Variants in EXT2 observed in about 807,000 individuals in gnomAD.
EXT2 encodes exostosin glycosyltransferase 2.
Under a neutral mutation model 81.6 loss-of-function variants are expected in EXT2, and 53 were observed. The ratio of observed to expected loss-of-function variants is 0.65; its 90% confidence interval spans 0.52 to 0.82. The LOEUF (loss-of-function observed/expected upper bound fraction) is 0.82, where lower values mean the gene tolerates loss of function less well. EXT2 is among the 40% of genes least tolerant of loss of function. The pLI, the probability that EXT2 is intolerant of heterozygous loss-of-function variation, is 0.00. For synonymous variants in EXT2, 320 were observed against 340.0 expected, an observed-to-expected ratio of 0.94 and a Z score of 0.65; for missense variants, 774 against 910.2, an observed-to-expected ratio of 0.85 and a Z score of 1.93.
At chr11:44,155,238 A>G (rs1423224284) in intron 7 of EXT2, among the ~76,000 whole-genome samples, 1 of 152,110 alleles carries the variant, frequency 6.6e-6, no homozygotes, top group Admixed American at 6.6e-5. Flanking sequence ...TTGAGATCTT[A>G]GTCTAAGTCT....
intron 8 of EXT2, among the ~76,000 whole-genome samples, chr11:44,185,825 C>T (rs1305037189): frequency 6.6e-6 from 1 of 152,226 alleles, no homozygotes; most frequent in Non-Finnish European, 1.5e-5. Context: ...GATGACCTCT[C>T]TAATATGGTC....
At chr11:44,167,428 C>A (rs1435709533) in intron 7 of EXT2, among the ~76,000 whole-genome samples, 2 of 152,134 alleles carry the variant, frequency 1.3e-5, no homozygotes, top group Non-Finnish European at 2.9e-5. Context: ...CTGGCAAATA[C>A]AAATAACCCA....
chr11:44,196,830 T>C (rs955082024), intron 8 of EXT2, among the ~76,000 whole-genome samples: 3 of 152,214 alleles, frequency 2.0e-5, no homozygotes, highest in African/African-American at 7.2e-5. Context: ...TTCCTTTTTT[T>C]CTTTATTCAT....
In EXT2 at chr11:44,108,006, C is replaced by T; in HGVS notation, c.294C>T (p.Phe98=). The change falls in exon 2 of 14, where the codon TTC becomes TTT. Residue 98 remains phenylalanine (F), a synonymous_variant. Coordinates refer to ENST00000533608, the MANE Select transcript of EXT2 (RefSeq NM_207122.2). ...HTCFDVYRCG[F]NPKNKIKVYI... The stretch of plus-strand genomic sequence containing the variant: ...GTTTTGATGTCTATCGCTGTGGCTT[C>T]AACCCAAAGAACAAAATCAAGGTGT... 1 of 1,614,146 alleles carries T rather than the reference C, an allele frequency of 6.2e-7. No individual in the cohort carries two copies. The highest frequency in any genetic ancestry group is 1.1e-5 in the South Asian group (1 of 91,082).
chr11:44,166,534 A>C, intron 7 of EXT2, among the ~76,000 whole-genome samples: 1 of 152,230 alleles, frequency 6.6e-6, no homozygotes, highest in East Asian at 1.9e-4. Context: ...CTCATTGTGC[A>C]TGCTTTGCTT....
intron 7 of EXT2, among the ~76,000 whole-genome samples, chr11:44,155,138 C>T (rs1312251717): frequency 6.6e-6 from 1 of 151,940 alleles, no homozygotes; most frequent in Non-Finnish European, 1.5e-5. Context: ...ATTTGATTGC[C>T]TGTGCTTTGG....
At chr11:44,124,698 C>T (rs1417231134) in intron 4 of EXT2, 91 bp from the exon 5 acceptor site, 7 of 1,040,600 alleles carry the variant, frequency 6.7e-6, no homozygotes, top group Non-Finnish European at 1.0e-5. Flanking sequence ...TAAGGAAACA[C>T]TTACTGTCAT....
At chr11:44,140,901 C>T (rs1954636576) in intron 7 of EXT2, among the ~76,000 whole-genome samples, 1 of 152,180 alleles carries the variant, frequency 6.6e-6, no homozygotes, top group African/African-American at 2.4e-5. Flanking sequence ...TTAAAATAGT[C>T]ATTTAACTTG....
At chr11:44,228,983 C>T (rs1208042557) in intron 10 of EXT2, among the ~76,000 whole-genome samples, 1 of 152,126 alleles carries the variant, frequency 6.6e-6, no homozygotes, top group African/African-American at 2.4e-5. Flanking sequence ...AAAGCAACTT[C>T]CATCTTCAGC....
In EXT2 at chr11:44,144,233, A is replaced by G. The variant is rs530833439; in HGVS notation, c.1173+14095A>G. On this transcript the variant is annotated intron_variant, in intron 7 of 13. Coordinates refer to ENST00000533608, the MANE Select transcript of EXT2 (RefSeq NM_207122.2). ...TGACACATCTTGATTAAAGGTTTCC[A>G]ATTCACCTTTCAGCTCTTCATGGAA... 7.5e-6 allele frequency: 12 copies of G among 1,593,452 alleles called. No homozygotes were observed. In the African/African-American group the frequency reaches 1.3e-4, roughly 18 times the overall value.
chr11:44,190,858 C>T (rs1275912391), intron 8 of EXT2, among the ~76,000 whole-genome samples: 1 of 152,190 alleles, frequency 6.6e-6, no homozygotes, highest in East Asian at 1.9e-4. Flanking sequence ...CACACAGCTA[C>T]CATGACCTTT....
chr11:44,157,786 G>A (rs1210194413), intron 7 of EXT2, among the ~76,000 whole-genome samples: 1 of 152,180 alleles, frequency 6.6e-6, no homozygotes, highest in Non-Finnish European at 1.5e-5. Flanking sequence ...CCCTGAGCAG[G>A]AGGAGTCTCT....
At chr11:44,133,364 T>C (rs1954521546) in intron 7 of EXT2, among the ~76,000 whole-genome samples, 1 of 152,188 alleles carries the variant, frequency 6.6e-6, no homozygotes, top group Non-Finnish European at 1.5e-5. Flanking sequence ...GTGGGTCTTT[T>C]TGCAAGACAG....
chr11:44,207,151 C>G (rs1442387235), intron 10 of EXT2, among the ~76,000 whole-genome samples, 192 bp downstream of exon 10: 1 of 152,172 alleles, frequency 6.6e-6, no homozygotes, highest in Non-Finnish European at 1.5e-5. Context: ...AAACCCTATT[C>G]CAAAATGGCA....
At chr11:44,097,776 ATAAAT>A (rs1565192389) in intron 1 of EXT2, among the ~76,000 whole-genome samples, 1,761 of 74,544 alleles carry the variant, frequency 0.024, 69 homozygotes, top group African/African-American at 0.054. Flanking sequence ...AAATAAATAA[ATAAAT>A]AAATAAATAA....
intron 7 of EXT2, among the ~76,000 whole-genome samples, chr11:44,139,750 G>A (rs1337109362): frequency 1.3e-5 from 2 of 152,186 alleles, no homozygotes; most frequent in African/African-American, 4.8e-5. Context: ...AACAGTGTGA[G>A]CGGCTGGTTT....
At chr11:44,218,108 G>A (rs1056250159) in intron 10 of EXT2, among the ~76,000 whole-genome samples, 1 of 152,172 alleles carries the variant, frequency 6.6e-6, no homozygotes, top group South Asian at 2.1e-4. Flanking sequence ...AACCTCCTGA[G>A]TGCTAATACA....
chr11:44,241,907 T>A (rs1956041785), intron 13 of EXT2, among the ~76,000 whole-genome samples: 1 of 152,196 alleles, frequency 6.6e-6, no homozygotes, highest in East Asian at 1.9e-4. Flanking sequence ...CCTTGACCAT[T>A]CAGTGGAGGC....
chr11:44,232,115 T>C (rs1319409767), intron 10 of EXT2, among the ~76,000 whole-genome samples: 5 of 152,166 alleles, frequency 3.3e-5, no homozygotes, highest in Non-Finnish European at 5.9e-5. Flanking sequence ...CCCACATTAA[T>C]TGAAATTCCC....
Sources: gnomAD v4.1 joint callset for allele counts (sites outside exome capture counted in the v4.1 genomes callset) on GRCh38, gnomAD v4.1.1 for gene constraint, MANE v1.5 for transcripts, NCBI Gene and HGNC (gene_info 2026-07-23, HGNC 2026-07-21) for gene names.